The following ATP1A1 variants were observed in gnomAD, a reference collection of about 807,000 sequenced individuals.
The protein encoded by ATP1A1 is ATPase Na+/K+ transporting subunit alpha 1, also known as sodium/potassium-transporting ATPase subunit alpha-1.
ATP1A1 carries 14 observed loss-of-function variants against 114.8 expected under a neutral mutation model. The observed-to-expected ratio is 0.12, with a 90% CI of 0.08 to 0.19. The LOEUF is 0.19. ATP1A1 is among the 10% of genes least tolerant of loss of function. The pLI, the probability that ATP1A1 is intolerant of heterozygous loss-of-function variation, is 1.00. For missense variants in ATP1A1, 524 were observed against 1,290.7 expected, an observed-to-expected ratio of 0.41 and a Z score of 9.10; for synonymous variants, 471 against 466.3, an observed-to-expected ratio of 1.01 and a Z score of -0.13.
chr1:116,390,428 C>T lies in ATP1A1; in HGVS notation c.1222+17C>T. ...ATCAGAGTGGTAAGGCCAGGGTTAC[C>T]ACACACCTCAGCCACCTGCTGACTT... is the stretch of plus-strand genomic sequence containing the variant. On this transcript the variant is annotated intron_variant, in intron 9 of 22. Coordinates refer to ENST00000295598, the MANE Select transcript of ATP1A1 (RefSeq NM_000701.8). The T allele has an allele frequency of 6.2e-7, 1 of 1,609,368 alleles. No homozygotes were observed. Among genetic ancestry groups the T allele is most frequent in the East Asian group, 2.2e-5 (1 of 44,736 alleles).
chr1:116,373,825 G>A (rs1651161522), intron 1 of ATP1A1: 1 of 1,244,556 alleles, frequency 8.0e-7, no homozygotes, highest in African/African-American at 1.6e-5. Flanking sequence ...GCTCCGAGAG[G>A]CGGTGCTTGG....
intron 18 of ATP1A1, among the ~76,000 whole-genome samples, chr1:116,400,116 T>C (rs1653316075): frequency 6.6e-6 from 1 of 152,242 alleles, no homozygotes; most frequent in South Asian, 2.1e-4. Context: ...CTAGGGTTCC[T>C]TCAAGAGAAC....
In ATP1A1 at chr1:116,384,887, G is replaced by A. The variant is rs765820803; in HGVS notation, c.183+45G>A. ...CTGTTGTACAAAATCCTAGTTTTCC[G>A]TATTATATTTTCCCCTGTATTACAT... On this transcript the variant is annotated intron_variant, in intron 3 of 22. Coordinates refer to ENST00000295598, the MANE Select transcript of ATP1A1 (RefSeq NM_000701.8). The surrounding 1 kb of genome is among the most constrained non-coding windows in gnomAD (Gnocchi z 5.1). 20 of 1,588,706 alleles carry A rather than the reference G, an allele frequency of 1.3e-5. No homozygotes were observed. Among genetic ancestry groups the A allele is most frequent in the African/African-American group, 9.4e-5 (7 of 74,330 alleles).
chr1:116,404,718 G>C lies in ATP1A1; in HGVS notation c.*274G>C. On this transcript the variant is annotated 3_prime_UTR_variant, in exon 23 of 23. Transcript: ENST00000295598. The surrounding 1 kb of genome is among the most constrained non-coding windows in gnomAD (Gnocchi z 4.8). ...TAAAAAAGGAACACCCGGAAAGACT[G>C]AAAGAATACATTTTATATCTGGATT... is the stretch of plus-strand genomic sequence containing the variant. The C allele has an allele frequency of 8.0e-7, 1 of 1,249,374 alleles. No individual in the cohort carries two copies. Among genetic ancestry groups the C allele is most frequent in the Admixed American group, 4.2e-5 (1 of 23,810 alleles). 77.4% of individuals were successfully genotyped at this position (1,249,374 alleles called of 1,614,324 possible).
chr1:116,388,541 C>T lies in ATP1A1; in HGVS notation c.502-97C>T. The T allele has an allele frequency of 5.5e-6, 8 of 1,441,930 alleles. No homozygotes were observed. The highest frequency in any genetic ancestry group is 7.5e-6 in the Non-Finnish European group (8 of 1,063,474). 89.3% of individuals were successfully genotyped at this position (1,441,930 alleles called of 1,614,324 possible). ...GTGAATAATATCTTTGTTTTGTATT[C>T]AGGTAATTAGGATTATGACTATTTT... On this transcript the variant is annotated intron_variant, in intron 5 of 22. Coordinates refer to ENST00000295598, the MANE Select transcript of ATP1A1 (RefSeq NM_000701.8). The surrounding 1 kb of genome is among the most constrained non-coding windows in gnomAD (Gnocchi z 5.6).
chr1:116,373,756 A>C, intron 1 of ATP1A1: 1 of 656,892 alleles, frequency 1.5e-6, no homozygotes, highest in Non-Finnish European at 1.7e-6. Flanking sequence ...GGCATTGCTT[A>C]GGGGGGTGGG....
In ATP1A1 at chr1:116,399,308, A is replaced by C; in HGVS notation, c.2449-112A>C. 6.9e-7 allele frequency: 1 copy of C among 1,452,632 alleles called. No homozygotes were observed. Among genetic ancestry groups the C allele is most frequent in the Non-Finnish European group, 9.3e-7 (1 of 1,071,506 alleles). 90.0% of individuals were successfully genotyped at this position (1,452,632 alleles called of 1,614,324 possible). On this transcript the variant is annotated intron_variant, in intron 17 of 22. Coordinates refer to ENST00000295598, the MANE Select transcript of ATP1A1 (RefSeq NM_000701.8). This position sits in a 1 kb window ranked among gnomAD's most constrained non-coding sequence, Gnocchi z 5.0. ...CAGATGGGAATCTTTATTTTTGTAT[A>C]CTTCACCTAAAAGATTTTTAAATGG...
chr1:116,387,302 T>C lies in ATP1A1; in HGVS notation c.198T>C (p.Ala66=), dbSNP rs146003963. The change falls in exon 4 of 23, where the codon GCT becomes GCC. Residue 66 remains alanine (A), a synonymous_variant. Transcript: ENST00000295598. This position sits in a 1 kb window ranked among gnomAD's most constrained non-coding sequence, Gnocchi z 6.7. ...CTGCTTCTCAGGGATTAACATCTGC[T>C]CGTGCAGCTGAGATCCTGGCGCGAG... ...GTDLSRGLTS[A]RAAEILARDG... 2.8e-5 allele frequency: 46 copies of C among 1,614,134 alleles called. No individual in the cohort carries two copies. In the East Asian group the frequency reaches 1.0e-3, roughly 36 times the overall value.
chr1:116,399,324 T>G lies in ATP1A1; in HGVS notation c.2449-96T>G. ...TTTTTGTATACTTCACCTAAAAGAT[T>G]TTTAAATGGGAGGGCAAGAATTTTA... On this transcript the variant is annotated intron_variant, in intron 17 of 22. Transcript: ENST00000295598. This position sits in a 1 kb window ranked among gnomAD's most constrained non-coding sequence, Gnocchi z 5.0. 1 of 1,503,740 alleles carries G rather than the reference T, an allele frequency of 6.7e-7. No individual in the cohort carries two copies. Among genetic ancestry groups the G allele is most frequent in the Non-Finnish European group, 9.0e-7 (1 of 1,115,428 alleles). 93.1% of individuals were successfully genotyped at this position (1,503,740 alleles called of 1,614,324 possible). A position where few individuals can be genotyped will look rare whatever the true frequency, so the allele number is the denominator to read the frequency against.
At chr1:116,390,468 T>C (rs888937817) in intron 9 of ATP1A1, 57 bp downstream of exon 9, 1 of 1,525,626 alleles carries the variant, frequency 6.6e-7, no homozygotes, top group East Asian at 2.3e-5. Context: ...TGGTTTTTTT[T>C]CTTTTAAGAA....
intron 1 of ATP1A1, chr1:116,374,188 G>A: frequency 6.4e-7 from 1 of 1,550,576 alleles, no homozygotes. Flanking sequence ...AAGCCGGCTG[G>A]GCGGGCTGGT....
intron 10 of ATP1A1, 136 bp downstream of exon 10, chr1:116,391,027 CTTTG>C: frequency 8.8e-6 from 6 of 684,772 alleles, no homozygotes; most frequent in South Asian, 5.7e-5. Context: ...CTGTGCAGTA[CTTTG>C]CTGTGTGTAA....
At chr1:116,390,732 C>G (rs1236228573) in intron 9 of ATP1A1, 50 bp from the exon 10 acceptor site, 1 of 1,449,808 alleles carries the variant, frequency 6.9e-7, no homozygotes, top group Non-Finnish European at 9.7e-7. Flanking sequence ...AGAACACAGC[C>G]TTTGAAGTTA....
At position 116,381,915 on chromosome 1, in the gene ATP1A1, G is replaced by A. The variant is rs1651767670; in HGVS notation, c.13-2099G>A. ...ATACAGGCTGGGCACGGTGGCTCAC[G>A]CCTGTAATCCCAGCACTTTGGGAGG... On this transcript the variant is annotated intron_variant, in intron 1 of 22. Coordinates refer to ENST00000295598, the MANE Select transcript of ATP1A1 (RefSeq NM_000701.8). This position sits in a 1 kb window ranked among gnomAD's most constrained non-coding sequence, Gnocchi z 5.1. Among the ~76,000 whole-genome samples, 2 of 152,142 alleles carry A rather than the reference G, an allele frequency of 1.3e-5. No homozygotes were observed. Among genetic ancestry groups the A allele is most frequent in the Non-Finnish European group, 2.9e-5 (2 of 68,018 alleles).
Position 116,399,672 on chromosome 1 carries a change from C to A in ATP1A1, c.2572+129C>A. On this transcript the variant is annotated intron_variant, in intron 18 of 22. Transcript: ENST00000295598. This position sits in a 1 kb window ranked among gnomAD's most constrained non-coding sequence, Gnocchi z 5.0. ...CTTTCAGGTCTAGGATGAGCCCTAACGGAGTGAGCCTGTGGAGTTTCTCTG... is the reference window on the plus strand; with the variant it reads ...CTTTCAGGTCTAGGATGAGCCCTAAAGGAGTGAGCCTGTGGAGTTTCTCTG... The A allele has an allele frequency of 7.8e-7, 1 of 1,282,456 alleles. No individual in the cohort carries two copies. Among genetic ancestry groups the A allele is most frequent in the Non-Finnish European group, 1.1e-6 (1 of 941,518 alleles). 79.4% of individuals were successfully genotyped at this position (1,282,456 alleles called of 1,614,324 possible). A position where few individuals can be genotyped will look rare whatever the true frequency, so the allele number is the denominator to read the frequency against.
rs1255582293 is a variant in ATP1A1, at chr1:116,397,241, GT to G, written c.1973+510del. On this transcript the variant is annotated intron_variant, in intron 14 of 22. Coordinates refer to ENST00000295598, the MANE Select transcript of ATP1A1 (RefSeq NM_000701.8). This position sits in a 1 kb window ranked among gnomAD's most constrained non-coding sequence, Gnocchi z 4.2. ...AATAGCAAATTGGTTTTGTTTTAAG[GT>G]TTAGGGCCCTTTCACCCTATGTTAC... is the stretch of plus-strand genomic sequence containing the variant. 6.6e-6 allele frequency among the ~76,000 whole-genome samples: 1 copy of G among 152,170 alleles called. No individual in the cohort carries two copies. The highest frequency in any genetic ancestry group is 2.4e-5 in the African/African-American group (1 of 41,446).
In ATP1A1 at chr1:116,373,407, C is replaced by A. The variant is rs770241535; in HGVS notation, c.-105C>A. On this transcript the variant is annotated 5_prime_UTR_variant, in exon 1 of 23. Coordinates refer to ENST00000295598, the MANE Select transcript of ATP1A1 (RefSeq NM_000701.8). ...GCCCCGCGGCAGCCCTAGCTCCCTC[C>A]ACTTGGCTCCCCTGGTCCCGCTCGC... The A allele has an allele frequency of 2.4e-5, 30 of 1,239,702 alleles. 1 individual carries two copies. In the South Asian group the frequency reaches 4.0e-4, roughly 17 times the overall value. The allele number at this position is 1,239,702 out of a possible 1,614,324, so 76.8% of individuals were successfully genotyped here. A position where few individuals can be genotyped will look rare whatever the true frequency, so the allele number is the denominator to read the frequency against.
chr1:116,392,826 A>G, intron 10 of ATP1A1, 28 bp from the exon 11 acceptor site: 2 of 1,581,930 alleles, frequency 1.3e-6, no homozygotes, highest in East Asian at 2.3e-5. Context: ...TTTTGGAGAT[A>G]ATTTACAGAT....
intron 1 of ATP1A1, among the ~76,000 whole-genome samples, chr1:116,376,797 A>C (rs944232257): frequency 5.3e-5 from 8 of 152,220 alleles, no homozygotes; most frequent in African/African-American, 1.7e-4. Context: ...AAAAAAACAA[A>C]AAAAAAGATG....
Sources: gnomAD v4.1 joint callset for allele counts (sites outside exome capture counted in the v4.1 genomes callset) on GRCh38, gnomAD v4.1.1 for gene constraint, Gnocchi (gnomAD v3.1) non-coding constraint, MANE v1.5 for transcripts, NCBI Gene and HGNC (gene_info 2026-07-23, HGNC 2026-07-21) for gene names.